PSEN1: variants seen among roughly 807,000 people sequenced by gnomAD.
The protein encoded by PSEN1 is presenilin-1.
PSEN1 carries 15 observed loss-of-function variants against 53.5 expected under a neutral mutation model. That is an observed-to-expected ratio of 0.28 (90% CI 0.19 to 0.43). The LOEUF is 0.43. Among genes scored for constraint, PSEN1 ranks in the 20% least tolerant of loss-of-function variants. The pLI is 1.00. For missense variants in PSEN1, 387 were observed against 571.2 expected (o/e 0.68, Z 3.29); for synonymous variants, 208 against 209.8 (o/e 0.99, Z 0.08).
intron 7 of PSEN1, among the ~76,000 whole-genome samples, chr14:73,194,727 C>T (rs996625929): frequency 6.6e-6 from 1 of 152,014 alleles, no homozygotes; most frequent in African/African-American, 2.4e-5. Flanking sequence ...TGCCACCACG[C>T]CCGGCTATTT....
At chr14:73,195,696 GTCC>G (rs1898911214) in intron 7 of PSEN1, among the ~76,000 whole-genome samples, 1 of 152,146 alleles carries the variant, frequency 6.6e-6, no homozygotes, top group East Asian at 1.9e-4. Flanking sequence ...GGCTCAAGCA[GTCC>G]TCCTGTCTCA....
intron 7 of PSEN1, 71 bp downstream of exon 7, chr14:73,192,935 T>A: frequency 1.7e-6 from 2 of 1,157,682 alleles, no homozygotes; most frequent in Non-Finnish European, 2.6e-6. Flanking sequence ...CCTCATCTCT[T>A]TATCTTGATT....
chr14:73,208,173 C>T (rs1217269346), intron 9 of PSEN1, among the ~76,000 whole-genome samples: 1 of 152,216 alleles, frequency 6.6e-6, no homozygotes, highest in African/African-American at 2.4e-5. Flanking sequence ...CTCTTCACTC[C>T]TCTCTTCTCT....
chr14:73,194,833 G>T (rs529361965), intron 7 of PSEN1, among the ~76,000 whole-genome samples: 2 of 152,038 alleles, frequency 1.3e-5, no homozygotes, highest in Non-Finnish European at 2.9e-5. Context: ...CTCCCAAAGT[G>T]TTGGGATTAC....
chr14:73,183,920 C>T (rs1388888572), intron 5 of PSEN1, among the ~76,000 whole-genome samples: 2 of 145,722 alleles, frequency 1.4e-5, no homozygotes, highest in East Asian at 2.1e-4. Flanking sequence ...GCTGGCCGGG[C>T]GGGGGGCTGA....
Position 73,171,202 on chromosome 14 carries a change from G to T in PSEN1, c.338+155G>T, listed in dbSNP as rs888348712. Among the ~76,000 whole-genome samples the T allele has an allele frequency of 2.6e-5, 4 of 152,316 alleles. No homozygotes were observed. In the East Asian group the frequency reaches 5.8e-4, roughly 22 times the overall value. On this transcript the variant is annotated intron_variant, in intron 4 of 11. Coordinates refer to ENST00000324501, the MANE Select transcript of PSEN1 (RefSeq NM_000021.4). ...TCAGGAGCAGTTGAGAGAGCGAGGG[G>T]TTATTACTTCATGTTTTAAGTGGAG...
intron 6 of PSEN1, among the ~76,000 whole-genome samples, chr14:73,191,518 T>G (rs956020091): frequency 2.0e-5 from 3 of 152,156 alleles, no homozygotes; most frequent in African/African-American, 7.2e-5. Context: ...TCTCCCACTT[T>G]GAAATTCCAA....
chr14:73,197,870 CAGTTCA>C, intron 7 of PSEN1, 155 bp from the exon 8 acceptor site: 2 of 618,146 alleles, frequency 3.2e-6, no homozygotes, highest in Admixed American at 2.7e-5. Context: ...CCACCCCCAC[CAGTTCA>C]CCTGCCATTT....
At chr14:73,195,038 C>T (rs532957791) in intron 7 of PSEN1, among the ~76,000 whole-genome samples, 1 of 152,300 alleles carries the variant, frequency 6.6e-6, no homozygotes, top group South Asian at 2.1e-4. Flanking sequence ...CATATACTCT[C>T]TCTGACTTTC....
At chr14:73,202,465 T>A (rs1289442428) in intron 8 of PSEN1, among the ~76,000 whole-genome samples, 19 of 33,176 alleles carry the variant, frequency 5.7e-4, no homozygotes, top group African/African-American at 1.8e-3. Flanking sequence ...TATATATATT[T>A]TTTTTTTTTT....
chr14:73,202,100 A>G (rs1267126272), intron 8 of PSEN1, among the ~76,000 whole-genome samples: 29 of 152,004 alleles, frequency 1.9e-4, no homozygotes, highest in Admixed American at 1.9e-3. Context: ...GCTGGAGTGC[A>G]GTGGCGCAAT....
chr14:73,202,463 T>TATATATATA (rs1491391826), intron 8 of PSEN1, among the ~76,000 whole-genome samples: 2 of 10,250 alleles, frequency 2.0e-4, no homozygotes, highest in African/African-American at 9.3e-4. Flanking sequence ...TATATATATA[T>TATATATATA]TTTTTTTTTT....
At chr14:73,179,991 ATTTTT>A (rs751321652) in intron 5 of PSEN1, among the ~76,000 whole-genome samples, 1 of 147,966 alleles carries the variant, frequency 6.8e-6, no homozygotes, top group African/African-American at 2.5e-5. Context: ...ATTTTATTTT[ATTTTT>A]TTTTTTGAGA....
At position 73,219,678 on chromosome 14, in the gene PSEN1, T is replaced by G. The variant is rs149924956; in HGVS notation, c.*389T>G. On this transcript the variant is annotated 3_prime_UTR_variant, in exon 12 of 12. Coordinates refer to ENST00000324501, the MANE Select transcript of PSEN1 (RefSeq NM_000021.4). ...TTACCAAGAGGTTAGGTGAAGTGGT[T>G]TAAACCAAACGGAACTCTTCATCTT... is the stretch of plus-strand genomic sequence containing the variant. The G allele has an allele frequency of 3.5e-6, 1 of 286,528 alleles. No individual in the cohort carries two copies. Among genetic ancestry groups the G allele is most frequent in the African/African-American group, 2.2e-5 (1 of 45,866 alleles). The allele number at this position is 286,528 out of a possible 1,614,324, so 17.7% of individuals were successfully genotyped here. A position where few individuals can be genotyped will look rare whatever the true frequency, so the allele number is the denominator to read the frequency against.
In PSEN1 at chr14:73,177,495, C is replaced by T. The variant is rs138683430; in HGVS notation, c.480+3788C>T. Reference sequence around the variant, plus strand: ...GCGTGAGCCGCTATGCCAGGACAGCCGTTTTCTTCTAGTATTATTTGCCCT... The same window carrying T: ...GCGTGAGCCGCTATGCCAGGACAGCTGTTTTCTTCTAGTATTATTTGCCCT... On this transcript the variant is annotated intron_variant, in intron 5 of 11. Coordinates refer to ENST00000324501, the MANE Select transcript of PSEN1 (RefSeq NM_000021.4). 2.2e-3 allele frequency among the ~76,000 whole-genome samples: 340 copies of T among 152,192 alleles called. 1 individual carries two copies. Among genetic ancestry groups the T allele is most frequent in the African/African-American group, 7.7e-3 (318 of 41,532 alleles).
intron 1 of PSEN1, chr14:73,146,097 CTG>C (rs1897062431): frequency 6.6e-6 from 1 of 151,654 alleles, no homozygotes; most frequent in South Asian, 2.1e-4. Flanking sequence ...CAGAGCAAGA[CTG>C]TGTCTCAAAA....
At chr14:73,196,253 T>C (rs2140100733) in intron 7 of PSEN1, among the ~76,000 whole-genome samples, 1 of 148,312 alleles carries the variant, frequency 6.7e-6, no homozygotes, top group Non-Finnish European at 1.5e-5. Context: ...ACTGAAATAG[T>C]ACTGAATGTG....
At chr14:73,216,210 G>A (rs562136139) in intron 10 of PSEN1, among the ~76,000 whole-genome samples, 12 of 152,294 alleles carry the variant, frequency 7.9e-5, no homozygotes, top group African/African-American at 2.9e-4. Context: ...TGAGTCATAT[G>A]AAATGTCTAG....
intron 5 of PSEN1, among the ~76,000 whole-genome samples, chr14:73,182,507 T>TA (rs924149870): frequency 1.1e-4 from 17 of 147,862 alleles, no homozygotes; most frequent in Admixed American, 5.4e-4. Context: ...AAAAAATAAT[T>TA]AAAAAAAAAA....
Sources: allele counts gnomAD v4.1 joint callset (sites outside exome capture counted in the v4.1 genomes callset), GRCh38; gene constraint gnomAD v4.1.1; transcripts MANE v1.5; gene names NCBI Gene and HGNC (gene_info 2026-07-23, HGNC 2026-07-21).